NOX3: variants seen among roughly 807,000 people sequenced by gnomAD.
The protein encoded by NOX3 is NADPH oxidase catalytic subunit-like 3.
A neutral mutation model predicts 76.7 loss-of-function variants in NOX3; 74 were observed. The observed-to-expected ratio is 0.96, with a 90% CI of 0.80 to 1.17. The LOEUF (loss-of-function observed/expected upper bound fraction) is 1.17. NOX3 is among the 50% of genes most tolerant of loss of function. The pLI, the probability that NOX3 is intolerant of heterozygous loss-of-function variation, is 0.00. For synonymous variants in NOX3, 263 were observed against 261.1 expected, an observed-to-expected ratio of 1.01 and a Z score of -0.07; for missense variants, 695 against 703.3, an observed-to-expected ratio of 0.99 and a Z score of 0.13.
chr6:155,409,506 A>G (rs1375362650), intron 11 of NOX3, among the ~76,000 whole-genome samples: 2 of 152,106 alleles, frequency 1.3e-5, no homozygotes, highest in Non-Finnish European at 2.9e-5. Flanking sequence ...TTGGAATGAT[A>G]TTTGTCCCAT....
rs552046226 is a variant in NOX3, at chr6:155,428,979, C to T, written c.960G>A (p.Gly320=). 1.9e-6 allele frequency: 3 copies of T among 1,613,200 alleles called. No homozygotes were observed. Among genetic ancestry groups the T allele is most frequent in the African/African-American group, 1.3e-5 (1 of 75,022 alleles). The stretch of plus-strand genomic sequence containing the variant: ...CTGGGCACTGCACCAAGATGTACTG[C>T]CCTGGCGCCATTTTAAAGCCACGCT... ...MKKRGFKMAP[G]QYILVQCPAI... is the part of the protein sequence containing the mutation. The change falls in exon 9 of 14, where the codon GGG becomes GGA. Residue 320 remains glycine, a synonymous_variant. Transcript: ENST00000159060.
chr6:155,447,514 G>A (rs1777079424), intron 4 of NOX3, among the ~76,000 whole-genome samples: 5 of 152,196 alleles, frequency 3.3e-5, no homozygotes, highest in Admixed American at 3.3e-4. Context: ...CCATAACAGA[G>A]CTGAAGAAAC....
At chr6:155,443,164 C>T in intron 5 of NOX3, 109 bp downstream of exon 5, 2 of 1,149,404 alleles carry the variant, frequency 1.7e-6, no homozygotes, top group Non-Finnish European at 2.4e-6. Flanking sequence ...CATATAAATT[C>T]ATTCTCCAGC....
At chr6:155,429,547 A>G (rs902582197) in intron 8 of NOX3, among the ~76,000 whole-genome samples, 12 of 152,142 alleles carry the variant, frequency 7.9e-5, no homozygotes, top group Non-Finnish European at 2.9e-5. Context: ...ACTCACTTCA[A>G]ACTCTTTTCT....
chr6:155,443,444 A>T (rs201225816), intron 4 of NOX3, 26 bp from the exon 5 acceptor site: 1 of 1,609,580 alleles, frequency 6.2e-7, no homozygotes, highest in Non-Finnish European at 8.5e-7. Context: ...GACACCAAAC[A>T]TGCACCCTGT....
At chr6:155,455,382 T>TA (rs1777201284) in intron 1 of NOX3, among the ~76,000 whole-genome samples, 1 of 152,208 alleles carries the variant, frequency 6.6e-6, no homozygotes, top group Non-Finnish European at 1.5e-5. Context: ...AAAACCTTCT[T>TA]AATCAACGTT....
intron 1 of NOX3, among the ~76,000 whole-genome samples, chr6:155,455,498 G>C (rs549265451): frequency 5.3e-5 from 8 of 152,234 alleles, no homozygotes; most frequent in Admixed American, 2.6e-4. Context: ...ATTTGATTTA[G>C]AGAAACACTC....
intron 10 of NOX3, among the ~76,000 whole-genome samples, chr6:155,419,124 C>T (rs1562462386): frequency 6.6e-6 from 1 of 152,214 alleles, no homozygotes; most frequent in African/African-American, 2.4e-5. Context: ...AAGGAGTAGT[C>T]TTTATATCTC....
chr6:155,447,285 C>T (rs1777077303), intron 4 of NOX3, among the ~76,000 whole-genome samples: 2 of 152,134 alleles, frequency 1.3e-5, no homozygotes, highest in Non-Finnish European at 2.9e-5. Flanking sequence ...AATCTGCCCT[C>T]CTTGGCCTCC....
At chr6:155,413,953 G>A (rs986229279) in intron 10 of NOX3, among the ~76,000 whole-genome samples, 2 of 152,076 alleles carry the variant, frequency 1.3e-5, no homozygotes, top group Non-Finnish European at 2.9e-5. Flanking sequence ...AGCTTCCTCC[G>A]TACATGAAAC....
intron 7 of NOX3, among the ~76,000 whole-genome samples, chr6:155,435,064 C>A (rs185380353): frequency 6.6e-6 from 1 of 152,060 alleles, no homozygotes; most frequent in African/African-American, 2.4e-5. Flanking sequence ...GAGAGAATAT[C>A]GTACAGTTCA....
At chr6:155,443,488 G>T in intron 4 of NOX3, 70 bp from the exon 5 acceptor site, 6 of 1,529,374 alleles carry the variant, frequency 3.9e-6, no homozygotes, top group Non-Finnish European at 5.3e-6. Flanking sequence ...AAAAAATACA[G>T]TGTCTCTGTG....
At chr6:155,445,964 TATATA>T (rs1211478962) in intron 4 of NOX3, among the ~76,000 whole-genome samples, 3 of 103,318 alleles carry the variant, frequency 2.9e-5, no homozygotes, top group Admixed American at 1.1e-4. Context: ...ATGCTATATA[TATATA>T]ATATATATAT....
intron 12 of NOX3, among the ~76,000 whole-genome samples, chr6:155,398,874 T>C (rs1779174961): frequency 6.6e-6 from 1 of 152,212 alleles, no homozygotes; most frequent in African/African-American, 2.4e-5. Context: ...AAGCAAGACA[T>C]TGCAGGTCTG....
At chr6:155,422,922 T>A (rs898206012) in intron 9 of NOX3, 66 bp from the exon 10 acceptor site, 3 of 1,527,770 alleles carry the variant, frequency 2.0e-6, no homozygotes, top group Non-Finnish European at 2.7e-6. Flanking sequence ...CCCAGAACCA[T>A]CCGGAGCTGG....
At chr6:155,411,114 T>G (rs1303497025) in intron 11 of NOX3, 100 bp downstream of exon 11, 1 of 864,032 alleles carries the variant, frequency 1.2e-6, no homozygotes. Context: ...AATAATTCTG[T>G]CATGCTATCA....
At chr6:155,436,591 G>A (rs574379568) in intron 6 of NOX3, 44 bp from the exon 7 acceptor site, 14 of 1,609,934 alleles carry the variant, frequency 8.7e-6, no homozygotes, top group Middle Eastern at 1.7e-4. Flanking sequence ...AGCAAAAAAC[G>A]TCAAACTGAT....
At chr6:155,416,772 A>G (rs62427239) in intron 10 of NOX3, among the ~76,000 whole-genome samples, 1 of 82,888 alleles carries the variant, frequency 1.2e-5, no homozygotes, top group Non-Finnish European at 2.1e-5. Flanking sequence ...TTTTTTTGAG[A>G]CGGAGTCTCG....
chr6:155,396,893 C>T lies in NOX3; in HGVS notation c.1650G>A (p.Leu550=). Residue 550 remains leucine, a synonymous_variant, in exon 13 of 14, where the codon TTG becomes TTA. Transcript: ENST00000159060. ...CACCTCTGGGGTCAGCTGATGAATACAAGTGGCACATCTTTTGAAGTGTCC... is the reference window on the plus strand; with the variant it reads ...CACCTCTGGGGTCAGCTGATGAATATAAGTGGCACATCTTTTGAAGTGTCC... ...LSRTLQKMCH[L]YSSADPRGVH... 6.2e-7 allele frequency: 1 copy of T among 1,613,292 alleles called. No homozygotes were observed. The highest frequency in any genetic ancestry group is 8.5e-7 in the Non-Finnish European group (1 of 1,179,430).
Sources: gnomAD v4.1 joint callset for allele counts (sites outside exome capture counted in the v4.1 genomes callset) on GRCh38, gnomAD v4.1.1 for gene constraint, MANE v1.5 for transcripts, NCBI Gene and HGNC (gene_info 2026-07-23, HGNC 2026-07-21) for gene names.